Variants in MEP1A observed in about 807,000 individuals in gnomAD.
The protein encoded by MEP1A is meprin A subunit alpha, also known as N-benzoyl-L-tyrosyl-P-amino-benzoic acid hydrolase subunit alpha.
In MEP1A, 68 loss-of-function variants were observed where a neutral mutation model predicts 84.5. The ratio of observed to expected loss-of-function variants is 0.80; its 90% CI spans 0.66 to 0.98. The LOEUF (loss-of-function observed/expected upper bound fraction) is 0.98, where lower values mean the gene tolerates loss of function less well. MEP1A is among the 50% of genes least tolerant of loss of function. The pLI is 0.00. For missense variants in MEP1A, 887 were observed against 919.9 expected (o/e 0.96, Z 0.46); for synonymous variants, 337 against 336.8 (o/e 1.00, Z -0.01).
chr6:46,840,247 C>A (rs774672817), downstream of MEP1A, among the ~76,000 whole-genome samples: 21 of 152,230 alleles, frequency 1.4e-4, no homozygotes, highest in South Asian at 4.1e-4. Flanking sequence ...GTTATGGGAA[C>A]AATTTGTAGC....
rs756665276 is a variant in MEP1A at position 46,833,519 on chromosome 6, G to A, written c.1590G>A (p.Ser530=). Reference sequence around the variant, plus strand: ...CCTCAAGCATGGTGTTCACTACCTCGAAGTCGCACACATCTCCAGGTGGGT... The same window carrying A: ...CCTCAAGCATGGTGTTCACTACCTCAAAGTCGCACACATCTCCAGGTGGGT... ...RMSSSMVFTT[S]KSHTSPAIND... is the part of the protein sequence containing the mutation. The change falls in exon 11 of 14, where the codon TCG becomes TCA. Residue 530 remains serine (S), a synonymous_variant. Coordinates refer to ENST00000230588, the MANE Select transcript of MEP1A (RefSeq NM_005588.3). 9.3e-6 allele frequency: 15 copies of A among 1,613,810 alleles called. No individual in the cohort carries two copies. The highest frequency in any genetic ancestry group is 5.0e-5 in the Admixed American group (3 of 60,012).
the MEP1A span, among the ~76,000 whole-genome samples, chr6:46,845,170 G>A: frequency 1.3e-5 from 2 of 152,190 alleles, no homozygotes; most frequent in African/African-American, 4.8e-5. Flanking sequence ...GACTGATACA[G>A]TGACGTAGTG....
intron 7 of MEP1A, among the ~76,000 whole-genome samples, chr6:46,822,688 C>T (rs938361131): frequency 1.1e-4 from 17 of 152,026 alleles, no homozygotes; most frequent in African/African-American, 2.4e-4. Context: ...GGATGACTGG[C>T]GTCCACCACC....
rs1161075813 is a variant in MEP1A, at chr6:46,838,974, C to T, written c.2085-6C>T. 2 of 1,609,270 alleles carry T rather than the reference C, an allele frequency of 1.2e-6. No homozygotes were observed. Among genetic ancestry groups the T allele is most frequent in the Non-Finnish European group, 1.7e-6 (2 of 1,176,588 alleles). On this transcript the variant is annotated splice_polypyrimidine_tract_variant and splice_region_variant and intron_variant, in intron 13 of 13. Transcript: ENST00000230588. ...CCCACACTCCCTTCATGTCCTTTTC[C>T]CTCAGGTGCATCTCTGGACATGCTT... is the stretch of plus-strand genomic sequence containing the variant.
chr6:46,820,777 GA>G (rs548856625), intron 7 of MEP1A, among the ~76,000 whole-genome samples: 40 of 145,206 alleles, frequency 2.8e-4, no homozygotes, highest in East Asian at 8.0e-4. Flanking sequence ...TGATGTGGTA[GA>G]AAAAAAAAAA....
chr6:46,837,780 A>T (rs1296104021), intron 13 of MEP1A, among the ~76,000 whole-genome samples: 1 of 152,224 alleles, frequency 6.6e-6, no homozygotes, highest in Non-Finnish European at 1.5e-5. Context: ...GTCAGAAAAA[A>T]ATGAAATAAA....
intron 5 of MEP1A, among the ~76,000 whole-genome samples, chr6:46,804,295 T>G (rs961490279): frequency 6.6e-6 from 1 of 151,696 alleles, no homozygotes; most frequent in Admixed American, 6.6e-5. Flanking sequence ...AGAATTTCGG[T>G]TTATAGTAGT....
chr6:46,837,455 C>A (rs1462070030), intron 13 of MEP1A, among the ~76,000 whole-genome samples: 2 of 152,198 alleles, frequency 1.3e-5, no homozygotes, highest in African/African-American at 4.8e-5. Context: ...TTTCCTGCCC[C>A]ACCCATAGAA....
intron 5 of MEP1A, among the ~76,000 whole-genome samples, chr6:46,802,950 A>G (rs1396954142): frequency 6.6e-6 from 1 of 151,710 alleles, no homozygotes; most frequent in Non-Finnish European, 1.5e-5. Flanking sequence ...GTTTATATTC[A>G]TAAATAGTAT....
In MEP1A at chr6:46,829,587, C is replaced by G. The variant is rs750732250; in HGVS notation, c.1144+16C>G. ...ACTTTTCAAGGTACTTAGAGGCATT[C>G]ACACGAGGAATGGATTGGGTTAAAA... On this transcript the variant is annotated intron_variant, in intron 10 of 13. Coordinates refer to ENST00000230588, the MANE Select transcript of MEP1A (RefSeq NM_005588.3). 2.5e-6 allele frequency: 4 copies of G among 1,594,704 alleles called. No individual in the cohort carries two copies. Among genetic ancestry groups the G allele is most frequent in the Non-Finnish European group, 3.4e-6 (4 of 1,162,446 alleles).
chr6:46,809,929 G>A (rs1767455621), intron 6 of MEP1A, among the ~76,000 whole-genome samples: 1 of 151,644 alleles, frequency 6.6e-6, no homozygotes, highest in Non-Finnish European at 1.5e-5. Context: ...AAACATCCAT[G>A]TGCAAGTATC....
chr6:46,838,838 A>G, intron 13 of MEP1A, 142 bp from the exon 14 acceptor site: 1 of 666,652 alleles, frequency 1.5e-6, no homozygotes, highest in Non-Finnish European at 2.6e-6. Context: ...TGGTCCATAT[A>G]CAGCTCTTGA....
Position 46,793,684 on chromosome 6 carries a change from G to C in MEP1A, c.113G>C (p.Gly38Ala). ...PEENVHDADF[G>A]EQKDISEINL... The stretch of plus-strand genomic sequence containing the variant: ...TTAACAGTACATGATGCAGATTTTG[G>C]TGAACAGAAGGATATTTCAGAAATC... Residue 38 changes from glycine (G) to alanine (A), a missense_variant, in exon 3 of 14, where the codon GGT becomes GCT. Coordinates refer to ENST00000230588, the MANE Select transcript of MEP1A (RefSeq NM_005588.3). The C allele has an allele frequency of 6.2e-7, 1 of 1,610,180 alleles. No individual in the cohort carries two copies. Among genetic ancestry groups the C allele is most frequent in the Non-Finnish European group, 8.5e-7 (1 of 1,177,160 alleles).
intron 7 of MEP1A, among the ~76,000 whole-genome samples, chr6:46,824,833 TA>T (rs1767878386): frequency 1.2e-5 from 1 of 85,994 alleles, no homozygotes; most frequent in Non-Finnish European, 2.1e-5. Context: ...TGTATTTAAA[TA>T]TATATAAATT....
Position 46,817,941 on chromosome 6 carries a change from AGTTG to A in MEP1A, c.381-1586_381-1583del, listed in dbSNP as rs1278488013. On this transcript the variant is annotated intron_variant, in intron 6 of 13. Transcript: ENST00000230588. ...GCCCTTCAGGGCACTGGTCTCCTGA[AGTTG>A]GAGGCTAACTGGGACTCTTTCAGAA... 9.8e-5 allele frequency among the ~76,000 whole-genome samples: 15 copies of A among 152,338 alleles called. No individual in the cohort carries two copies. In the East Asian group the frequency reaches 2.9e-3, roughly 29 times the overall value.
At chr6:46,834,102 G>T (rs1289974947) in intron 11 of MEP1A, among the ~76,000 whole-genome samples, 2 of 151,536 alleles carry the variant, frequency 1.3e-5, no homozygotes, top group Admixed American at 6.6e-5. Flanking sequence ...TCAGACTCCC[G>T]AGTAGAGATG....
intron 3 of MEP1A, 25 bp from the exon 4 acceptor site, chr6:46,798,581 T>C: frequency 6.2e-7 from 1 of 1,605,054 alleles, no homozygotes; most frequent in Non-Finnish European, 8.5e-7. Flanking sequence ...AAATATTCTT[T>C]TTTTAAAAAA....
rs758895990 is a variant in MEP1A at position 46,829,480 on chromosome 6, G to A, written c.1053G>A (p.Thr351=). The change falls in exon 10 of 14, where the codon ACG becomes ACA. Residue 351 remains threonine (T), a synonymous_variant. Coordinates refer to ENST00000230588, the MANE Select transcript of MEP1A (RefSeq NM_005588.3). ...GCCTGCAATTTTTCTATAAAATGAC[G>A]GGAAGTCCTTCAGACAGACTCGTTG... ...QQCLQFFYKM[T]GSPSDRLVVW... The A allele has an allele frequency of 6.2e-6, 10 of 1,614,036 alleles. No homozygotes were observed. The highest frequency in any genetic ancestry group is 1.7e-5 in the Admixed American group (1 of 60,006).
At chr6:46,816,993 A>G (rs1767653555) in intron 6 of MEP1A, among the ~76,000 whole-genome samples, 1 of 152,196 alleles carries the variant, frequency 6.6e-6, no homozygotes, top group Admixed American at 6.5e-5. Flanking sequence ...GACTTGATCA[A>G]CAGTGGATAA....
Sources: allele counts gnomAD v4.1 joint callset (sites outside exome capture counted in the v4.1 genomes callset), GRCh38; gene constraint gnomAD v4.1.1; transcripts MANE v1.5; gene names NCBI Gene and HGNC (gene_info 2026-07-23, HGNC 2026-07-21).